The following PTCD2 variants were observed in gnomAD, a reference collection of about 807,000 sequenced individuals.
The protein encoded by PTCD2 is pentatricopeptide repeat domain 2.
PTCD2 carries 31 observed loss-of-function variants against 42.6 expected under a neutral mutation model. That is an observed-to-expected ratio of 0.73 (90% CI 0.55 to 0.98). The LOEUF is 0.98. Among genes scored for constraint, PTCD2 ranks in the 50% least tolerant of loss-of-function variants. The pLI, the probability that PTCD2 is intolerant of heterozygous loss-of-function variation, is 0.00. For synonymous variants in PTCD2, 183 were observed against 170.9 expected, an observed-to-expected ratio of 1.07 and a Z score of -0.55; for missense variants, 476 against 454.8, an observed-to-expected ratio of 1.05 and a Z score of -0.42.
At chr5:72,335,655 T>C (rs1024937813) in intron 5 of PTCD2, 139 bp from the exon 6 acceptor site, 8 of 502,782 alleles carry the variant, frequency 1.6e-5, no homozygotes, top group South Asian at 3.7e-5. Flanking sequence ...AACATTTAGT[T>C]AATTGCTAAA....
chr5:72,338,864 C>T, intron 7 of PTCD2, 129 bp downstream of exon 7: 1 of 504,544 alleles, frequency 2.0e-6, no homozygotes, highest in Non-Finnish European at 3.6e-6. Context: ...GAGACCAATG[C>T]CTTTGTTGCC....
chr5:72,343,667 T>G (rs1752193010), intron 8 of PTCD2, among the ~76,000 whole-genome samples: 2 of 152,146 alleles, frequency 1.3e-5, no homozygotes, highest in African/African-American at 4.8e-5. Context: ...ATGCAAAACC[T>G]TAATCCCTAA....
chr5:72,354,655 A>C (rs1426548869), intron 9 of PTCD2, among the ~76,000 whole-genome samples: 1 of 152,218 alleles, frequency 6.6e-6, no homozygotes, highest in Non-Finnish European at 1.5e-5. Flanking sequence ...ATCTGAGGAA[A>C]TGCTGCTACA....
intron 8 of PTCD2, among the ~76,000 whole-genome samples, chr5:72,346,376 G>A (rs1280415401): frequency 6.6e-6 from 1 of 152,184 alleles, no homozygotes; most frequent in Non-Finnish European, 1.5e-5. Context: ...AGTTTATAAG[G>A]CATTAATGGT....
intron 7 of PTCD2, among the ~76,000 whole-genome samples, chr5:72,342,477 T>A (rs1752122006): frequency 6.6e-6 from 1 of 152,218 alleles, no homozygotes; most frequent in Non-Finnish European, 1.5e-5. Flanking sequence ...GTACTTCAGG[T>A]TGTGCCCTTA....
At chr5:72,322,351 A>G in intron 2 of PTCD2, 87 bp downstream of exon 2, 1 of 803,848 alleles carries the variant, frequency 1.2e-6, no homozygotes, top group Non-Finnish European at 2.1e-6. Flanking sequence ...TCCTTCAGTG[A>G]CTTTATTATG....
chr5:72,353,031 C>T (rs779582273), intron 9 of PTCD2, among the ~76,000 whole-genome samples: 8 of 152,126 alleles, frequency 5.3e-5, no homozygotes, highest in East Asian at 1.9e-4. Context: ...TTCTAGATGA[C>T]GATTTTACAC....
At chr5:72,345,170 C>G (rs1050227068) in intron 8 of PTCD2, among the ~76,000 whole-genome samples, 6 of 152,188 alleles carry the variant, frequency 3.9e-5, no homozygotes, top group African/African-American at 1.4e-4. Flanking sequence ...GAGGCCTACC[C>G]TCAGGGATGC....
intron 1 of PTCD2, 97 bp downstream of exon 1, chr5:72,320,606 A>G (rs1016587812): frequency 2.6e-6 from 4 of 1,549,642 alleles, no homozygotes; most frequent in Non-Finnish European, 3.5e-6. Flanking sequence ...CACAGCTCCT[A>G]AGTCACTCAC....
chr5:72,336,496 T>C (rs1222393762), intron 6 of PTCD2, among the ~76,000 whole-genome samples: 1 of 152,132 alleles, frequency 6.6e-6, no homozygotes, highest in African/African-American at 2.4e-5. Context: ...TAAACGTATG[T>C]GACATGAAAA....
chr5:72,341,813 C>T (rs773037423), intron 7 of PTCD2, among the ~76,000 whole-genome samples: 7 of 151,810 alleles, frequency 4.6e-5, no homozygotes, highest in South Asian at 2.1e-4. Context: ...GAGGCTGAGG[C>T]GGGCAGATCA....
At position 72,331,331 on chromosome 5, in the gene PTCD2, G is replaced by A. The variant is rs776920408; in HGVS notation, c.424G>A (p.Glu142Lys). The A allele has an allele frequency of 5.4e-5, 87 of 1,613,924 alleles. No homozygotes were observed. Among genetic ancestry groups the A allele is most frequent in the Non-Finnish European group, 6.0e-5 (71 of 1,179,942 alleles). The change falls in exon 4 of 10, where the codon GAG becomes AAG. Residue 142 changes from glutamate (E) to lysine (K), a missense_variant. Transcript: ENST00000380639. ...FGPLFVRLCY[E>K]LDLEESAVEL... ...ACCGCTTTTTGTGAGGTTGTGTTAC[G>A]AGTTGGATCTCGAGGAATCTGCAGT... is the stretch of plus-strand genomic sequence containing the variant.
chr5:72,342,049 AAATAAT>A (rs2112187329), intron 7 of PTCD2, among the ~76,000 whole-genome samples: 1 of 151,700 alleles, frequency 6.6e-6, no homozygotes, highest in South Asian at 2.1e-4. Flanking sequence ...CGTCTAAAAA[AAATAAT>A]AATAAAATAA....
chr5:72,354,406 A>AC (rs1752772573), intron 9 of PTCD2, among the ~76,000 whole-genome samples: 1 of 151,422 alleles, frequency 6.6e-6, no homozygotes. Context: ...AAAAAAAAAA[A>AC]AAGCTCTTTT....
At chr5:72,335,993 C>A in intron 6 of PTCD2, 108 bp downstream of exon 6, 1 of 635,400 alleles carries the variant, frequency 1.6e-6, no homozygotes, top group Non-Finnish European at 2.7e-6. Flanking sequence ...TGTTTTCCAT[C>A]TGGTGCAAAT....
chr5:72,326,443 G>A, intron 2 of PTCD2, among the ~76,000 whole-genome samples, 169 bp from the exon 3 acceptor site: 1 of 152,174 alleles, frequency 6.6e-6, no homozygotes, highest in Non-Finnish European at 1.5e-5. Flanking sequence ...GCCATCTGCT[G>A]ATGCTGTTCT....
In PTCD2 at chr5:72,363,642, C is replaced by A. The variant is rs925440886; in HGVS notation, c.*5215C>A. 2 of 152,366 alleles carry A rather than the reference C, an allele frequency of 1.3e-5. No homozygotes were observed. The highest frequency in any genetic ancestry group is 3.9e-4 in the East Asian group (2 of 5,192). The allele number at this position is 152,366 out of a possible 1,614,324, so 9.4% of individuals were successfully genotyped here. The stretch of plus-strand genomic sequence containing the variant: ...TCATGCCAGCACCCACTGCTGAGGT[C>A]TGTAGTCTCTACCATCTGCCCTACA... On this transcript the variant is annotated 3_prime_UTR_variant, in exon 10 of 10. Transcript: ENST00000380639.
Position 72,357,877 on chromosome 5 carries a change from G to A in PTCD2, c.943-326G>A, listed in dbSNP as rs1018314020. On this transcript the variant is annotated intron_variant, in intron 9 of 9. Transcript: ENST00000380639. ...TTTTTTTTTTAAGACTCACTCTGTC[G>A]CCAAGGCTGGAGTACAGTGGCACGA... 3.3e-5 allele frequency among the ~76,000 whole-genome samples: 5 copies of A among 149,926 alleles called. No homozygotes were observed. In the South Asian group the frequency reaches 1.1e-3, roughly 32 times the overall value.
Position 72,358,388 on chromosome 5 carries a change from C to CA in PTCD2, c.1129dup (p.Thr377AsnfsTer12), listed in dbSNP as rs1481483277. The stretch of plus-strand genomic sequence containing the variant: ...TAAACAAGAGGATGGTCAGCCGTCG[C>CA]ACCTTCCAGCCACTCAGCCAGTCCC... On this transcript the variant is annotated frameshift_variant, in exon 10 of 10. Transcript: ENST00000380639. LOFTEE classifies it high-confidence loss of function. The CA allele has an allele frequency of 6.2e-7, 1 of 1,613,530 alleles. No homozygotes were observed. The highest frequency in any genetic ancestry group is 8.5e-7 in the Non-Finnish European group (1 of 1,179,932).
Sources: allele counts gnomAD v4.1 joint callset (sites outside exome capture counted in the v4.1 genomes callset), GRCh38; gene constraint gnomAD v4.1.1; transcripts MANE v1.5; gene names NCBI Gene and HGNC (gene_info 2026-07-23, HGNC 2026-07-21).